The following DERA variants were observed in gnomAD, a reference collection of about 807,000 sequenced individuals.
The protein encoded by DERA is 2-deoxy-D-ribose 5-phosphate aldolase.
DERA carries 15 observed loss-of-function variants against 41.1 expected under a neutral mutation model. The ratio of observed to expected loss-of-function variants is 0.37; its 90% confidence interval spans 0.24 to 0.56. DERA has a LOEUF of 0.56. Ranked by LOEUF, DERA falls within the 20% of genes least tolerant of loss-of-function variation. The probability of loss-of-function intolerance (pLI) is 0.81; values close to 1 mark genes in which losing one functional copy is unlikely to be tolerated. For missense variants in DERA, 396 were observed against 403.4 expected, an observed-to-expected ratio of 0.98 and a Z score of 0.16; for synonymous variants, 139 against 137.4, an observed-to-expected ratio of 1.01 and a Z score of -0.08.
At chr12:15,971,298 G>A (rs1314144460) in intron 5 of DERA, among the ~76,000 whole-genome samples, 1 of 152,054 alleles carries the variant, frequency 6.6e-6, no homozygotes, top group African/African-American at 2.4e-5. Flanking sequence ...CTCTTGTCTT[G>A]ATAGCCAGCG....
At position 16,026,351 on chromosome 12, in the gene DERA, G is replaced by T. The variant is rs906997436; in HGVS notation, c.638-6191G>T. 4.0e-5 allele frequency among the ~76,000 whole-genome samples: 6 copies of T among 151,110 alleles called. No homozygotes were observed. Among genetic ancestry groups the T allele is most frequent in the Non-Finnish European group, 5.9e-5 (4 of 67,736 alleles). ...ATTACCCATATCGGAAATGAAAGAA[G>T]GGTCATCTCCTCTTCCCATGGATAT... On this transcript the variant is annotated intron_variant, in intron 6 of 8. Coordinates refer to ENST00000428559, the MANE Select transcript of DERA (RefSeq NM_015954.4). The surrounding 1 kb of genome is among the most constrained non-coding windows in gnomAD (Gnocchi z 4.4).
rs1948956695 is a variant in DERA, at chr12:16,012,986, T to G, written c.638-19556T>G. Among the ~76,000 whole-genome samples, 1 of 152,212 alleles carries G rather than the reference T, an allele frequency of 6.6e-6. No individual in the cohort carries two copies. The highest frequency in any genetic ancestry group is 1.5e-5 in the Non-Finnish European group (1 of 68,042). On this transcript the variant is annotated intron_variant, in intron 6 of 8. Transcript: ENST00000428559. This position sits in a 1 kb window ranked among gnomAD's most constrained non-coding sequence, Gnocchi z 4.1. Reference sequence around the variant, plus strand: ...CAGTTTAAACTAGCCACATTTCAAGTGCTCAGTAGCTACATATGGTGTGTA... The same window carrying G: ...CAGTTTAAACTAGCCACATTTCAAGGGCTCAGTAGCTACATATGGTGTGTA...
chr12:15,926,462 C>T (rs1180943531), intron 1 of DERA, among the ~76,000 whole-genome samples: 2 of 152,042 alleles, frequency 1.3e-5, no homozygotes, highest in East Asian at 1.9e-4. Context: ...ATTGGCCGGG[C>T]GCGGTGGCTC....
rs1201692557 is a variant in DERA, at chr12:15,981,836, G to T, written c.509-472G>T. Reference sequence around the variant, plus strand: ...TGGGGCAAGCTGCTGTGTCTTTATTGTCATGAACATAACTCTCAAGAAAGG... The same window carrying T: ...TGGGGCAAGCTGCTGTGTCTTTATTTTCATGAACATAACTCTCAAGAAAGG... On this transcript the variant is annotated intron_variant, in intron 5 of 8. Coordinates refer to ENST00000428559, the MANE Select transcript of DERA (RefSeq NM_015954.4). The surrounding 1 kb of genome is among the most constrained non-coding windows in gnomAD (Gnocchi z 6.1). Among the ~76,000 whole-genome samples the T allele has an allele frequency of 1.3e-5, 2 of 150,330 alleles. No individual in the cohort carries two copies. The highest frequency in any genetic ancestry group is 2.9e-5 in the Non-Finnish European group (2 of 67,798).
chr12:15,998,848 A>G lies in DERA; in HGVS notation c.637+16412A>G, dbSNP rs1948856587. 6.6e-6 allele frequency among the ~76,000 whole-genome samples: 1 copy of G among 152,234 alleles called. No individual in the cohort carries two copies. Among genetic ancestry groups the G allele is most frequent in the Non-Finnish European group, 1.5e-5 (1 of 68,044 alleles). ...TAGGCCAGCCCCGAGATTAGCTTAC[A>G]GAATAACTGAAATGTAGCCTGTGTC... On this transcript the variant is annotated intron_variant, in intron 6 of 8. Transcript: ENST00000428559. The surrounding 1 kb of genome is among the most constrained non-coding windows in gnomAD (Gnocchi z 4.8).
At position 15,924,071 on chromosome 12, in the gene DERA, A is replaced by G. The variant is rs1935808271; in HGVS notation, c.31+12657A>G. ...AATAATTCTATCCAGAAATATTTGA[A>G]TGATGTTAGCCAGGTAAGAATTCTA... On this transcript the variant is annotated intron_variant, in intron 1 of 8. Coordinates refer to ENST00000428559, the MANE Select transcript of DERA (RefSeq NM_015954.4). The surrounding 1 kb of genome is among the most constrained non-coding windows in gnomAD (Gnocchi z 5.0). Among the ~76,000 whole-genome samples the G allele has an allele frequency of 6.6e-6, 1 of 152,232 alleles. No homozygotes were observed. The highest frequency in any genetic ancestry group is 2.4e-5 in the African/African-American group (1 of 41,456).
chr12:15,961,458 T>G (rs1389074363), intron 4 of DERA, among the ~76,000 whole-genome samples: 1 of 152,082 alleles, frequency 6.6e-6, no homozygotes, highest in African/African-American at 2.4e-5. Flanking sequence ...AGAGGATTGA[T>G]TAAAGCCAGA....
At position 15,921,139 on chromosome 12, in the gene DERA, TTTGA is replaced by T. The variant is rs1948240597; in HGVS notation, c.31+9730_31+9733del. On this transcript the variant is annotated intron_variant, in intron 1 of 8. Coordinates refer to ENST00000428559, the MANE Select transcript of DERA (RefSeq NM_015954.4). The surrounding 1 kb of genome is among the most constrained non-coding windows in gnomAD (Gnocchi z 5.3). ...ATATGGAAAGAAATAAGCCTTTTTA[TTTGA>T]TTGAGATAAGTGAAGAAATGTGTTA... 6.6e-6 allele frequency among the ~76,000 whole-genome samples: 1 copy of T among 152,234 alleles called. No individual in the cohort carries two copies. Among genetic ancestry groups the T allele is most frequent in the African/African-American group, 2.4e-5 (1 of 41,460 alleles).
In DERA at chr12:15,981,760, G is replaced by T. The variant is rs1165395930; in HGVS notation, c.509-548G>T. On this transcript the variant is annotated intron_variant, in intron 5 of 8. Transcript: ENST00000428559. The surrounding 1 kb of genome is among the most constrained non-coding windows in gnomAD (Gnocchi z 6.1). ...GTACACATGCGTCCAGCACTACCTG[G>T]CCAGGCCTAACACTTTTTAGTCAGA... Among the ~76,000 whole-genome samples, 1 of 152,112 alleles carries T rather than the reference G, an allele frequency of 6.6e-6. No individual in the cohort carries two copies. Among genetic ancestry groups the T allele is most frequent in the Non-Finnish European group, 1.5e-5 (1 of 68,020 alleles).
At chr12:16,018,178 TG>T (rs534746046) in intron 6 of DERA, among the ~76,000 whole-genome samples, 31 of 152,204 alleles carry the variant, frequency 2.0e-4, no homozygotes, top group Non-Finnish European at 4.0e-4. Context: ...TATACTACTT[TG>T]GTCTTAATAC....
Position 16,014,483 on chromosome 12 carries a change from G to A in DERA, c.638-18059G>A, listed in dbSNP as rs982139106. On this transcript the variant is annotated intron_variant, in intron 6 of 8. Transcript: ENST00000428559. This position sits in a 1 kb window ranked among gnomAD's most constrained non-coding sequence, Gnocchi z 5.4. The stretch of plus-strand genomic sequence containing the variant: ...CAAGCCTTGGTGGCTTCCACATGGT[G>A]TTGGTCCTGCAGGTGCACAGAAGTC... 6.6e-6 allele frequency among the ~76,000 whole-genome samples: 1 copy of A among 152,238 alleles called. No homozygotes were observed. Among genetic ancestry groups the A allele is most frequent in the Non-Finnish European group, 1.5e-5 (1 of 68,044 alleles).
Position 15,970,732 on chromosome 12 carries a change from G to T in DERA, c.508+7785G>T, listed in dbSNP as rs10772886. On this transcript the variant is annotated intron_variant, in intron 5 of 8. Transcript: ENST00000428559. The surrounding 1 kb of genome is among the most constrained non-coding windows in gnomAD (Gnocchi z 4.3). ...CTGTTCAAGATGTACACATGTACTT[G>T]GTATATCTGTAGACCTGATTCTTTC... Among the ~76,000 whole-genome samples, 94,208 of 151,932 alleles carry T rather than the reference G, an allele frequency of 0.62. 29,578 individuals are homozygous for T. Among genetic ancestry groups the T allele is most frequent in the East Asian group, 0.82 (4,249 of 5,174 alleles).
intron 1 of DERA, among the ~76,000 whole-genome samples, chr12:15,955,016 A>T (rs776369494): frequency 1.2e-4 from 18 of 151,924 alleles, no homozygotes; most frequent in Admixed American, 4.6e-4. Flanking sequence ...AAAGCCTCTT[A>T]GGGCTGGGTG....
intron 1 of DERA, among the ~76,000 whole-genome samples, chr12:15,917,182 A>T (rs1948206919): frequency 6.6e-6 from 1 of 152,140 alleles, no homozygotes; most frequent in African/African-American, 2.4e-5. Context: ...CCTTTAAGTT[A>T]AAAAAGTCAA....
intron 6 of DERA, among the ~76,000 whole-genome samples, chr12:16,018,649 C>T (rs951572678): frequency 1.3e-4 from 20 of 152,160 alleles, no homozygotes; most frequent in Non-Finnish European, 1.9e-4. Flanking sequence ...TATACAAGGG[C>T]AGCTGTTGTT....
intron 6 of DERA, 41 bp from the exon 7 acceptor site, chr12:16,032,501 A>G: frequency 1.7e-6 from 2 of 1,152,718 alleles, no homozygotes; most frequent in East Asian, 2.9e-5. Flanking sequence ...GTAAAAAAAG[A>G]ATCTTTAATT....
chr12:15,960,892 G>T (rs1198365452), intron 4 of DERA, among the ~76,000 whole-genome samples: 1 of 152,180 alleles, frequency 6.6e-6, no homozygotes, highest in Non-Finnish European at 1.5e-5. Context: ...GAAAAGGTTT[G>T]CTGTTGTTGA....
intron 5 of DERA, 116 bp downstream of exon 5, chr12:15,963,063 C>G (rs1293258114): frequency 7.3e-7 from 1 of 1,372,784 alleles, no homozygotes; most frequent in African/African-American, 1.5e-5. Flanking sequence ...GTTAGTAGAT[C>G]AAATGGTGAG....
Position 16,000,772 on chromosome 12 carries a change from A to G in DERA, c.637+18336A>G, listed in dbSNP as rs1451080562. 1.3e-5 allele frequency among the ~76,000 whole-genome samples: 2 copies of G among 152,162 alleles called. No homozygotes were observed. Among genetic ancestry groups the G allele is most frequent in the East Asian group, 1.9e-4 (1 of 5,198 alleles). ...GTGAATAATTAAAATATTCCTGTTT[A>G]TTTTTTAATAAAAAGAAAAAGCATA... On this transcript the variant is annotated intron_variant, in intron 6 of 8. Coordinates refer to ENST00000428559, the MANE Select transcript of DERA (RefSeq NM_015954.4). The surrounding 1 kb of genome is among the most constrained non-coding windows in gnomAD (Gnocchi z 4.8).
Sources: gnomAD v4.1 joint callset for allele counts (sites outside exome capture counted in the v4.1 genomes callset) on GRCh38, gnomAD v4.1.1 for gene constraint, Gnocchi (gnomAD v3.1) non-coding constraint, MANE v1.5 for transcripts, NCBI Gene and HGNC (gene_info 2026-07-23, HGNC 2026-07-21) for gene names.